The following SGCD variants were observed in gnomAD, a reference collection of about 807,000 sequenced individuals.
SGCD encodes the protein delta-sarcoglycan.
In SGCD, 18 loss-of-function variants were observed where a neutral mutation model predicts 36.6. The ratio of observed to expected loss-of-function variants is 0.49; its 90% CI spans 0.34 to 0.73. The LOEUF (loss-of-function observed/expected upper bound fraction) is 0.73. Ranked by LOEUF, SGCD falls within the 30% of genes least tolerant of loss-of-function variation. SGCD has a pLI of 0.01. For synonymous variants in SGCD, 133 were observed against 130.6 expected (o/e 1.02, Z -0.12); for missense variants, 387 against 346.7 (o/e 1.12, Z -0.92).
the SGCD span, among the ~76,000 whole-genome samples, chr5:155,754,312 G>A: frequency 6.6e-6 from 1 of 152,166 alleles, no homozygotes; most frequent in East Asian, 1.9e-4. Context: ...CAGAGAAATG[G>A]CATCCAAATA....
intron 4 of SGCD, among the ~76,000 whole-genome samples, chr5:156,544,910 T>C (rs759940110): frequency 2.0e-5 from 3 of 152,200 alleles, no homozygotes; most frequent in Non-Finnish European, 4.4e-5. Flanking sequence ...TGAATTGACT[T>C]GCCTAAGGTT....
chr5:156,367,786 A>G (rs1397562967), intron 3 of SGCD, among the ~76,000 whole-genome samples: 1 of 152,146 alleles, frequency 6.6e-6, no homozygotes, highest in Non-Finnish European at 1.5e-5. Context: ...TGCTGCTTTC[A>G]ACTGTGGTTG....
intron 3 of SGCD, among the ~76,000 whole-genome samples, chr5:156,125,552 G>C (rs1762150677): frequency 1.3e-5 from 2 of 151,914 alleles, no homozygotes; most frequent in African/African-American, 4.8e-5. Flanking sequence ...GTAAGAGGGA[G>C]CATTTCAAAT....
At chr5:155,865,192 T>TAAC in the SGCD span, among the ~76,000 whole-genome samples, 1 of 152,052 alleles carries the variant, frequency 6.6e-6, no homozygotes, top group Admixed American at 6.6e-5. Context: ...TCATTTAAAA[T>TAAC]AACAATAATT....
chr5:156,202,624 C>T (rs1764176635), intron 3 of SGCD, among the ~76,000 whole-genome samples: 1 of 152,082 alleles, frequency 6.6e-6, no homozygotes. Flanking sequence ...AATAAGGTGA[C>T]AGCTCCCAGG....
In SGCD at chr5:156,067,390, TTTTG is replaced by T. The variant is rs1217761914; in HGVS notation, c.-281-50482_-281-50479del. ...AAGTCTGCAGAGGTTACTGCTGTCT[TTTTG>T]TTTGTCTGTGCCCTGCCCCCAGAGG... On this transcript the variant is annotated intron_variant, in intron 1 of 9. Coordinates refer to the SGCD transcript ENST00000517913. 8.9e-5 allele frequency among the ~76,000 whole-genome samples: 5 copies of T among 56,152 alleles called. 1 individual carries two copies. Among genetic ancestry groups the T allele is most frequent in the Non-Finnish European group, 1.3e-4 (5 of 37,414 alleles). The allele number at this position is 56,152 out of a possible 152,430, so 36.8% of individuals were successfully genotyped here. A position where few individuals can be genotyped will look rare whatever the true frequency, so the allele number is the denominator to read the frequency against.
At chr5:156,001,139 C>T (rs1758656601) in intron 1 of SGCD, among the ~76,000 whole-genome samples, 1 of 152,182 alleles carries the variant, frequency 6.6e-6, no homozygotes, top group Non-Finnish European at 1.5e-5. Context: ...CCCATCTCAT[C>T]ATCTTGTTTC....
intron 1 of SGCD, among the ~76,000 whole-genome samples, chr5:155,911,459 A>AAT (rs2113357384): frequency 6.6e-6 from 1 of 152,112 alleles, no homozygotes; most frequent in East Asian, 1.9e-4. Flanking sequence ...ATAAGTTCAC[A>AAT]ATAGTATTTG....
At chr5:156,389,923 G>A (rs1445633971) in intron 3 of SGCD, among the ~76,000 whole-genome samples, 1 of 147,992 alleles carries the variant, frequency 6.8e-6, no homozygotes, top group Non-Finnish European at 1.5e-5. Context: ...CACACACAGA[G>A]CCTTATGCCA....
At chr5:156,223,941 C>T (rs1254035512) in intron 3 of SGCD, among the ~76,000 whole-genome samples, 2 of 151,768 alleles carry the variant, frequency 1.3e-5, no homozygotes, top group Non-Finnish European at 2.9e-5. Flanking sequence ...TAAAACTGGC[C>T]TGTAAATTAA....
At chr5:156,678,411 C>A (rs1246243915) in intron 7 of SGCD, among the ~76,000 whole-genome samples, 1 of 152,208 alleles carries the variant, frequency 6.6e-6, no homozygotes, top group African/African-American at 2.4e-5. Context: ...TACAGTTGAC[C>A]TTATAACAGT....
At chr5:156,457,759 GT>G (rs1754322213) in intron 3 of SGCD, among the ~76,000 whole-genome samples, 2 of 152,116 alleles carry the variant, frequency 1.3e-5, no homozygotes, top group Non-Finnish European at 2.9e-5. Flanking sequence ...CTACTTCACA[GT>G]TGGTTGGGAG....
rs1432704 is a variant in SGCD at position 156,118,302 on chromosome 5, A to T, written c.-208+351A>T. Reference sequence around the variant, plus strand: ...GTGTCTGAATGTGTGAATCCTAGAAAGAGTGGATGTATTTAGGGAAATCAT... The same window carrying T: ...GTGTCTGAATGTGTGAATCCTAGAATGAGTGGATGTATTTAGGGAAATCAT... On this transcript the variant is annotated intron_variant, in intron 2 of 9. Coordinates refer to the SGCD transcript ENST00000517913. Among the ~76,000 whole-genome samples, 762 of 152,214 alleles carry T rather than the reference A, an allele frequency of 5.0e-3. 5 individuals carry two copies. Among genetic ancestry groups the T allele is most frequent in the African/African-American group, 0.018 (737 of 41,534 alleles).
At chr5:156,605,599 T>G (rs1335758390) in intron 6 of SGCD, among the ~76,000 whole-genome samples, 1 of 152,222 alleles carries the variant, frequency 6.6e-6, no homozygotes, top group Non-Finnish European at 1.5e-5. Context: ...ATATTTCTAA[T>G]TCTAGATCCC....
intron 1 of SGCD, among the ~76,000 whole-genome samples, chr5:156,079,018 TAAAAAA>T (rs575699645): frequency 9.8e-6 from 1 of 102,498 alleles, no homozygotes; most frequent in Non-Finnish European, 2.1e-5. Flanking sequence ...GGGTAATTTG[TAAAAAA>T]AAAAAAAAAA....
intron 1 of SGCD, among the ~76,000 whole-genome samples, chr5:155,985,802 C>T (rs546447166): frequency 6.6e-5 from 10 of 152,322 alleles, no homozygotes; most frequent in African/African-American, 1.9e-4. Context: ...TTCACATTAA[C>T]GTACCCATTT....
chr5:156,465,501 C>T (rs1013469344), intron 3 of SGCD, among the ~76,000 whole-genome samples: 11 of 152,250 alleles, frequency 7.2e-5, no homozygotes, highest in Admixed American at 5.2e-4. Context: ...TAGACATCTC[C>T]GTAAGTACAA....
At chr5:156,538,181 G>A (rs763892268) in intron 4 of SGCD, among the ~76,000 whole-genome samples, 7 of 152,098 alleles carry the variant, frequency 4.6e-5, no homozygotes, top group Non-Finnish European at 7.4e-5. Flanking sequence ...TTATGGTAAT[G>A]TCATTTGGAG....
the SGCD span, among the ~76,000 whole-genome samples, chr5:155,820,007 G>A: frequency 2.0e-5 from 3 of 152,074 alleles, no homozygotes; most frequent in Non-Finnish European, 4.4e-5. Context: ...AGAGGAATTC[G>A]GAGGTGGATA....
Sources: gnomAD v4.1 joint callset for allele counts (sites outside exome capture counted in the v4.1 genomes callset) on GRCh38, gnomAD v4.1.1 for gene constraint, MANE v1.5 for transcripts, NCBI Gene and HGNC (gene_info 2026-07-23, HGNC 2026-07-21) for gene names.